Variants in C3orf49 observed in about 807,000 individuals in gnomAD.
C3orf49 encodes chromosome 3 open reading frame 49.
In C3orf49, 27 loss-of-function variants were observed where a neutral mutation model predicts 13.3. That is an observed-to-expected ratio of 2.02 (90% CI 1.49 to 2.79). The LOEUF (loss-of-function observed/expected upper bound fraction) is 2.79, where lower values mean the gene tolerates loss of function less well. C3orf49 is among the 30% of genes most tolerant of loss of function. C3orf49 has a pLI of 0.00. For synonymous variants in C3orf49, 87 were observed against 47.6 expected (o/e 1.83, Z -3.40); for missense variants, 242 against 134.2 (o/e 1.80, Z -3.97).
intron 5 of C3orf49, chr3:63,834,212 A>T: frequency 6.2e-7 from 1 of 1,613,720 alleles, no homozygotes; most frequent in Non-Finnish European, 8.5e-7. Context: ...GTAATTGAGA[A>T]GGAAACATAA....
the C3orf49 span, among the ~76,000 whole-genome samples, chr3:63,783,781 A>G: frequency 6.6e-6 from 1 of 151,998 alleles, no homozygotes; most frequent in Admixed American, 6.6e-5. Flanking sequence ...CTTTACTACA[A>G]GAATAGAAGG....
chr3:63,809,981 C>G, the C3orf49 span, among the ~76,000 whole-genome samples: 5 of 151,218 alleles, frequency 3.3e-5, no homozygotes, highest in African/African-American at 1.2e-4. Context: ...AATCTCATCT[C>G]TACTAAAAAT....
the C3orf49 span, among the ~76,000 whole-genome samples, chr3:63,806,319 C>A: frequency 6.6e-6 from 1 of 152,216 alleles, no homozygotes; most frequent in Admixed American, 6.5e-5. Context: ...TGTCTGGCTT[C>A]CTTACCCCAC....
intron 5 of C3orf49, chr3:63,836,441 C>T: frequency 1.6e-6 from 2 of 1,252,286 alleles, no homozygotes; most frequent in Non-Finnish European, 2.3e-6. Flanking sequence ...TCACAAACCT[C>T]TCCTAATCAC....
intron 6 of C3orf49, among the ~76,000 whole-genome samples, chr3:63,845,314 G>T (rs1347292766): frequency 6.6e-6 from 1 of 152,190 alleles, no homozygotes; most frequent in African/African-American, 2.4e-5. Flanking sequence ...GTTCATAGTG[G>T]CTGACAAGTC....
the C3orf49 span, among the ~76,000 whole-genome samples, chr3:63,801,070 G>A: frequency 6.6e-6 from 1 of 152,018 alleles, no homozygotes; most frequent in African/African-American, 2.4e-5. Context: ...CCCAGGAGGA[G>A]TTTACCGTCT....
intron 4 of C3orf49, 122 bp downstream of exon 4, chr3:63,831,345 A>G: frequency 1.6e-6 from 1 of 619,394 alleles, no homozygotes; most frequent in South Asian, 2.0e-5. Flanking sequence ...GCATTAAGAA[A>G]TAATGTTAGC....
intron 5 of C3orf49, among the ~76,000 whole-genome samples, chr3:63,833,349 T>C (rs1257607592): frequency 6.6e-6 from 1 of 152,172 alleles, no homozygotes; most frequent in Admixed American, 6.5e-5. Context: ...TCTGCCCGCC[T>C]CGGCCTTCCA....
In C3orf49 at chr3:63,821,020, A is replaced by G. The variant is rs1575795240; in HGVS notation, c.125+1424A>G. 2.0e-5 allele frequency among the ~76,000 whole-genome samples: 3 copies of G among 152,320 alleles called. 1 individual carries two copies. Among genetic ancestry groups the G allele is most frequent in the Admixed American group, 2.0e-4 (3 of 15,310 alleles). On this transcript the variant is annotated intron_variant, in intron 1 of 6. Coordinates refer to ENST00000295896, the MANE Select transcript of C3orf49 (RefSeq NM_001355236.2). ...TCCCCACTGTTCTGATCCACATGGTAATAAAAAGTATCATTTATGGAATGC... is the reference window on the plus strand; with the variant it reads ...TCCCCACTGTTCTGATCCACATGGTGATAAAAAGTATCATTTATGGAATGC...
At chr3:63,846,207 GC>G in intron 6 of C3orf49, 1 of 451,174 alleles carries the variant, frequency 2.2e-6, no homozygotes, top group South Asian at 1.6e-5. Flanking sequence ...TGTCTGAATT[GC>G]CTTTCTTCCC....
chr3:63,785,739 C>A, the C3orf49 span, among the ~76,000 whole-genome samples: 1 of 152,010 alleles, frequency 6.6e-6, no homozygotes, highest in Non-Finnish European at 1.5e-5. Flanking sequence ...CCAAAATAAT[C>A]GTGGCTTCAC....
chr3:63,793,932 A>G, the C3orf49 span, among the ~76,000 whole-genome samples: 1 of 152,230 alleles, frequency 6.6e-6, no homozygotes, highest in Admixed American at 6.5e-5. Context: ...AAACAGGACA[A>G]TCGCTTGAGC....
At chr3:63,787,662 C>G in the C3orf49 span, among the ~76,000 whole-genome samples, 1 of 152,142 alleles carries the variant, frequency 6.6e-6, no homozygotes, top group Admixed American at 6.5e-5. Context: ...ATGAAAGTTT[C>G]CCCCGAACAG....
At chr3:63,832,257 G>C (rs1701544643) in intron 5 of C3orf49, among the ~76,000 whole-genome samples, 1 of 152,070 alleles carries the variant, frequency 6.6e-6, no homozygotes, top group African/African-American at 2.4e-5. Context: ...ACTTAATCCT[G>C]AATAAATCTC....
intron 3 of C3orf49, among the ~76,000 whole-genome samples, chr3:63,828,212 A>G (rs1701490729): frequency 6.6e-6 from 1 of 152,238 alleles, no homozygotes; most frequent in Admixed American, 6.5e-5. Context: ...AAATAGCCAT[A>G]TGTACAACAC....
At chr3:63,839,720 G>A (rs1158113538) in intron 5 of C3orf49, 3 of 1,613,012 alleles carry the variant, frequency 1.9e-6, no homozygotes, top group Non-Finnish European at 2.5e-6. Flanking sequence ...TTAATTCTCC[G>A]ATCATCTCCA....
chr3:63,839,742 A>T, intron 5 of C3orf49: 1 of 1,612,912 alleles, frequency 6.2e-7, no homozygotes. Flanking sequence ...CACCATCTCC[A>T]TCAATGAGGA....
the C3orf49 span, among the ~76,000 whole-genome samples, chr3:63,788,754 G>T: frequency 5.3e-5 from 8 of 151,532 alleles, no homozygotes; most frequent in East Asian, 1.6e-3. Flanking sequence ...AAAAAACTGA[G>T]GTACAGAAAG....
At chr3:63,825,426 G>C (rs1283766505) in intron 2 of C3orf49, among the ~76,000 whole-genome samples, 1 of 152,134 alleles carries the variant, frequency 6.6e-6, no homozygotes, top group African/African-American at 2.4e-5. Flanking sequence ...CAATTACCTG[G>C]TATGGATTGA....
Sources: gnomAD v4.1 joint callset for allele counts (sites outside exome capture counted in the v4.1 genomes callset) on GRCh38, gnomAD v4.1.1 for gene constraint, MANE v1.5 for transcripts, NCBI Gene and HGNC (gene_info 2026-07-23, HGNC 2026-07-21) for gene names.